XAGE3: variants seen among roughly 807,000 people sequenced by gnomAD.
XAGE3 encodes CT12.3.
Under a neutral mutation model 9.2 loss-of-function variants are expected in XAGE3, and 6 were observed. The ratio of observed to expected loss-of-function variants is 0.65; its 90% CI spans 0.36 to 1.29. The LOEUF (loss-of-function observed/expected upper bound fraction) is 1.29, where lower values mean the gene tolerates loss of function less well. XAGE3 is among the 50% of genes most tolerant of loss of function. XAGE3 has a pLI of 0.03. For synonymous variants in XAGE3, 26 were observed against 28.2 expected (o/e 0.92, Z 0.25); for missense variants, 70 against 82.8 (o/e 0.85, Z 0.60).
intron 3 of XAGE3, 109 bp from the exon 4 acceptor site, chrX:52,865,009 G>T: frequency 2.0e-6 from 2 of 976,858 alleles, no homozygotes; most frequent in Non-Finnish European, 1.4e-6. Flanking sequence ...GCAGGCGACT[G>T]TGGTAATAAA....
At chrX:52,863,583 T>A (rs1419175107) in intron 4 of XAGE3, among the ~76,000 whole-genome samples, 1 of 112,117 alleles carries the variant, frequency 8.9e-6, no homozygotes, top group Non-Finnish European at 1.9e-5. Context: ...AACTAATGTA[T>A]GTGTTCCTAG....
chrX:52,866,043 A>G (rs1385527710), intron 3 of XAGE3, among the ~76,000 whole-genome samples: 1 of 111,532 alleles, frequency 9.0e-6, no homozygotes, highest in African/African-American at 3.3e-5. Flanking sequence ...GTATTCAGGT[A>G]GGGTGACTTG....
At chrX:52,863,846 C>T (rs1468657607) in intron 4 of XAGE3, among the ~76,000 whole-genome samples, 12 of 111,305 alleles carry the variant, frequency 1.1e-4, no homozygotes, top group Admixed American at 9.6e-4. Flanking sequence ...TATTAAGGAC[C>T]TCTTTCCTTT....
intron 1 of XAGE3, among the ~76,000 whole-genome samples, chrX:52,867,719 C>G (rs1282474784): frequency 9.0e-6 from 1 of 110,861 alleles, no homozygotes; most frequent in Admixed American, 9.7e-5. Flanking sequence ...TGGAATCCGT[C>G]CTCGGTCGAG....
rs782575405 is a variant in XAGE3 at position 52,862,605 on chromosome X, A to G, written c.*13T>C. On this transcript the variant is annotated 3_prime_UTR_variant, in exon 5 of 5. Coordinates refer to ENST00000346279, the MANE Select transcript of XAGE3 (RefSeq NM_133179.3). ...GATAAAAACAGTTTTGTGTTGTTTCAGCTTGTCTTCATTTAAACCTGTGGT... is the reference window on the plus strand; with the variant it reads ...GATAAAAACAGTTTTGTGTTGTTTCGGCTTGTCTTCATTTAAACCTGTGGT... The G allele has an allele frequency of 1.7e-5, 21 of 1,209,768 alleles. No individual in the cohort carries two copies. The South Asian group carries it at 3.4e-4, about 19-fold the overall frequency.
rs781792727 is a variant in XAGE3, at chrX:52,866,490, G to A, written c.130C>T (p.Arg44Trp). ...PQQEEPPTESRDPAPGQEREE... is the reference protein window; with the variant it reads ...PQQEEPPTESWDPAPGQEREE... ...CTCTCCTGACCAGGTGCAGGATCCCGACTTTCAGTTGGTGGTTCCTCTTGC... is the reference window on the plus strand; with the variant it reads ...CTCTCCTGACCAGGTGCAGGATCCCAACTTTCAGTTGGTGGTTCCTCTTGC... Residue 44 changes from arginine to tryptophan, a missense_variant, in exon 3 of 5, where the codon CGG (arginine) becomes TGG (tryptophan). Coordinates refer to ENST00000346279, the MANE Select transcript of XAGE3 (RefSeq NM_133179.3). 3.8e-5 allele frequency: 46 copies of A among 1,208,943 alleles called. No individual in the cohort carries two copies. In the South Asian group the frequency reaches 5.8e-4, roughly 15 times the overall value.
chrX:52,866,928 T>C, intron 2 of XAGE3, 125 bp downstream of exon 2: 1 of 640,841 alleles, frequency 1.6e-6, no homozygotes, highest in East Asian at 3.3e-5. Context: ...TTTCTCAGCA[T>C]GGGAGACCTT....
chrX:52,866,511 C>A lies in XAGE3; in HGVS notation c.109G>T (p.Glu37Ter). Residue 37 changes from glutamate to a stop codon, truncating the protein, a stop_gained, in exon 3 of 5, where the codon GAG becomes TAG. Coordinates refer to ENST00000346279, the MANE Select transcript of XAGE3 (RefSeq NM_133179.3). LOFTEE classifies it high-confidence loss of function. Reference sequence around the variant, plus strand: ...TCCCGACTTTCAGTTGGTGGTTCCTCTTGCTGAGGCTCCTCATCACCGGGC... The same window carrying A: ...TCCCGACTTTCAGTTGGTGGTTCCTATTGCTGAGGCTCCTCATCACCGGGC... Reference protein sequence around the residue: ...LEPGDEEPQQEEPPTESRDPA... With the variant: ...LEPGDEEPQQ 1 of 1,211,163 alleles carries A rather than the reference C, an allele frequency of 8.3e-7. No homozygotes were observed. Among genetic ancestry groups the A allele is most frequent in the Non-Finnish European group, 1.1e-6 (1 of 895,316 alleles).
At chrX:52,865,620 A>G (rs1556784331) in intron 3 of XAGE3, among the ~76,000 whole-genome samples, 1 of 112,306 alleles carries the variant, frequency 8.9e-6, no homozygotes, top group African/African-American at 3.2e-5. Flanking sequence ...ATAAAAGTAT[A>G]TAAACAACTC....
intron 4 of XAGE3, 151 bp downstream of exon 4, chrX:52,864,624 A>C (rs1927839838): frequency 1.1e-5 from 7 of 644,043 alleles, no homozygotes; most frequent in Non-Finnish European, 1.4e-5. Context: ...GATAGTGTTT[A>C]AGTCTTACAG....
At chrX:52,862,842 T>G (rs1273954170) in intron 4 of XAGE3, among the ~76,000 whole-genome samples, 1 of 114,634 alleles carries the variant, frequency 8.7e-6, no homozygotes, top group African/African-American at 3.2e-5. Context: ...TTAGCAACAT[T>G]TTTAAAACAT....
chrX:52,863,411 G>C (rs1306592833), intron 4 of XAGE3, among the ~76,000 whole-genome samples: 12 of 111,872 alleles, frequency 1.1e-4, no homozygotes, highest in African/African-American at 3.9e-4. Flanking sequence ...GGCAAAAAAA[G>C]AAATGGAGGG....
At chrX:52,865,357 A>G (rs146942148) in intron 3 of XAGE3, among the ~76,000 whole-genome samples, 3,307 of 111,528 alleles carry the variant, frequency 0.03, 109 homozygotes, top group African/African-American at 0.1. Context: ...GTAACTTTCC[A>G]TAAATGAATC....
intron 4 of XAGE3, 48 bp from the exon 5 acceptor site, chrX:52,862,688 T>A: frequency 8.3e-7 from 1 of 1,201,952 alleles, no homozygotes; most frequent in Middle Eastern, 2.3e-4. Flanking sequence ...AGAACTGTAT[T>A]CAGATGACAT....
intron 4 of XAGE3, 68 bp downstream of exon 4, chrX:52,864,707 T>C: frequency 1.7e-6 from 2 of 1,168,656 alleles, no homozygotes; most frequent in East Asian, 3.0e-5. Flanking sequence ...GGGATAGTAA[T>C]GTTCTCTTTT....
chrX:52,863,373 A>G (rs111661570), intron 4 of XAGE3, among the ~76,000 whole-genome samples: 3,357 of 112,155 alleles, frequency 0.03, 108 homozygotes, highest in African/African-American at 0.1. Flanking sequence ...CATCAAAATG[A>G]GAAAGAGGCA....
chrX:52,865,567 TTC>T (rs1474029056), intron 3 of XAGE3, among the ~76,000 whole-genome samples: 25 of 112,173 alleles, frequency 2.2e-4, no homozygotes, highest in East Asian at 5.6e-4. Context: ...AGGAAATAAT[TTC>T]TGTTTCATGA....
intron 2 of XAGE3, 37 bp downstream of exon 2, chrX:52,867,016 T>C (rs782761843): frequency 4.3e-6 from 5 of 1,170,661 alleles, no homozygotes; most frequent in Non-Finnish European, 3.5e-6. Flanking sequence ...AAAATAACTT[T>C]CTGCTAATAG....
rs1927769410 is a variant in XAGE3 at position 52,862,651 on chromosome X, A to T, written c.314-11T>A. 1 of 1,210,828 alleles carries T rather than the reference A, an allele frequency of 8.3e-7. No homozygotes were observed. Among genetic ancestry groups the T allele is most frequent in the East Asian group, 3.0e-5 (1 of 33,895 alleles). On this transcript the variant is annotated splice_polypyrimidine_tract_variant and intron_variant, in intron 4 of 4. Coordinates refer to ENST00000346279, the MANE Select transcript of XAGE3 (RefSeq NM_133179.3). Reference sequence around the variant, plus strand: ...GTGGTTGCCTGTCACCTATAATAGAAATATAACAGGAGGGAACATTAGTAG... The same window carrying T: ...GTGGTTGCCTGTCACCTATAATAGATATATAACAGGAGGGAACATTAGTAG...
Sources: allele counts gnomAD v4.1 joint callset (sites outside exome capture counted in the v4.1 genomes callset), GRCh38; gene constraint gnomAD v4.1.1; transcripts MANE v1.5; gene names NCBI Gene and HGNC (gene_info 2026-07-23, HGNC 2026-07-21).